RCAN2: variants seen among roughly 807,000 people sequenced by gnomAD.
The protein encoded by RCAN2 is regulator of calcineurin 2.
A neutral mutation model predicts 23.6 loss-of-function variants in RCAN2; 9 were observed. The observed-to-expected ratio is 0.38, with a 90% confidence interval of 0.23 to 0.67. RCAN2 has a LOEUF of 0.67. Among genes scored for constraint, RCAN2 ranks in the 30% least tolerant of loss-of-function variants. The probability of loss-of-function intolerance (pLI) is 0.51; values close to 1 mark genes in which losing one functional copy is unlikely to be tolerated. For missense variants in RCAN2, 273 were observed against 302.3 expected (o/e 0.90, Z 0.72); for synonymous variants, 109 against 115.7 (o/e 0.94, Z 0.37).
intron 2 of RCAN2, among the ~76,000 whole-genome samples, chr6:46,340,774 G>A (rs892076869): frequency 6.6e-6 from 1 of 152,226 alleles, no homozygotes; most frequent in Non-Finnish European, 1.5e-5. Context: ...ACATGTGTGT[G>A]TGTTGAAGTG....
chr6:46,352,089 T>C (rs1320216732), intron 2 of RCAN2, among the ~76,000 whole-genome samples: 1 of 152,196 alleles, frequency 6.6e-6, no homozygotes, highest in African/African-American at 2.4e-5. Flanking sequence ...CATAAGAGTA[T>C]ACATTAAGGT....
At chr6:46,461,638 T>C (rs1768209762) in intron 1 of RCAN2, among the ~76,000 whole-genome samples, 1 of 151,198 alleles carries the variant, frequency 6.6e-6, no homozygotes, top group Non-Finnish European at 1.5e-5. Context: ...CAGGTCAGAG[T>C]ACAATGGCAC....
intron 2 of RCAN2, among the ~76,000 whole-genome samples, chr6:46,303,460 G>A (rs1224643803): frequency 6.6e-6 from 1 of 152,024 alleles, no homozygotes; most frequent in East Asian, 1.9e-4. Flanking sequence ...TCATTATGGT[G>A]CTACTTCTTC....
chr6:46,268,189 C>T (rs1227003931), intron 2 of RCAN2, among the ~76,000 whole-genome samples: 1 of 152,186 alleles, frequency 6.6e-6, no homozygotes, highest in East Asian at 1.9e-4. Context: ...TTTTTACTCG[C>T]TTCATTAAAC....
At chr6:46,423,520 C>T (rs1013240926) in intron 2 of RCAN2, among the ~76,000 whole-genome samples, 1 of 152,180 alleles carries the variant, frequency 6.6e-6, no homozygotes, top group Non-Finnish European at 1.5e-5. Context: ...ATAATATGGA[C>T]TTATTAGCTC....
intron 2 of RCAN2, among the ~76,000 whole-genome samples, chr6:46,336,185 C>T (rs772220585): frequency 2.2e-4 from 33 of 152,130 alleles, no homozygotes; most frequent in Non-Finnish European, 3.8e-4. Context: ...ATTGGCATCT[C>T]GAAGTAACTT....
In RCAN2 at chr6:46,456,952, C is replaced by G; in HGVS notation, c.25G>C (p.Gly9Arg). ...CCCTGCTGCCCTGGGCTCCTCATTCCGATGAAGTATGATTCTCCCCTCATT... is the reference window on the plus strand; with the variant it reads ...CCCTGCTGCCCTGGGCTCCTCATTCGGATGAAGTATGATTCTCCCCTCATT... MRGESYFI[G>R]MRSPGQQGHV... The change falls in exon 2 of 5, where the codon GGA (glycine) becomes CGA (arginine). Residue 9 changes from glycine to arginine, a missense_variant. Physicochemically the swap from Gly to Arg is moderately radical, Grantham distance 125. Transcript: ENST00000371374. The G allele has an allele frequency of 6.4e-7, 1 of 1,550,672 alleles. No homozygotes were observed. Among genetic ancestry groups the G allele is most frequent in the Non-Finnish European group, 8.7e-7 (1 of 1,146,844 alleles).
intron 2 of RCAN2, among the ~76,000 whole-genome samples, chr6:46,352,199 A>G (rs1764669504): frequency 6.6e-6 from 1 of 152,222 alleles, no homozygotes; most frequent in Non-Finnish European, 1.5e-5. Flanking sequence ...GGAAAGGCTT[A>G]ATCTGGTAAT....
intron 2 of RCAN2, among the ~76,000 whole-genome samples, chr6:46,276,214 A>AAAAACAAAACAAAAC (rs112546925): frequency 0.017 from 2,564 of 151,182 alleles, 42 homozygotes; most frequent in Non-Finnish European, 0.029. Flanking sequence ...GACTCTGTCT[A>AAAAACAAAACAAAAC]AAAACAAAAC....
intron 2 of RCAN2, among the ~76,000 whole-genome samples, chr6:46,387,866 A>G (rs190585552): frequency 1.0e-3 from 154 of 152,340 alleles, no homozygotes; most frequent in African/African-American, 3.5e-3. Flanking sequence ...ATGTCCATCA[A>G]TGATAGACTG....
intron 2 of RCAN2, among the ~76,000 whole-genome samples, chr6:46,271,945 C>T (rs1767535613): frequency 6.6e-6 from 1 of 152,186 alleles, no homozygotes; most frequent in South Asian, 2.1e-4. Flanking sequence ...TGACGAGACT[C>T]TGTGCTGTAG....
chr6:46,301,710 C>T (rs759025982), intron 2 of RCAN2, among the ~76,000 whole-genome samples: 4 of 151,944 alleles, frequency 2.6e-5, no homozygotes, highest in Non-Finnish European at 1.5e-5. Context: ...TATTTCAGGT[C>T]AGGTGGTGAG....
chr6:46,304,704 G>A (rs182409926), intron 2 of RCAN2, among the ~76,000 whole-genome samples: 4 of 152,238 alleles, frequency 2.6e-5, no homozygotes, highest in Admixed American at 2.6e-4. Flanking sequence ...AGGAGGTGGA[G>A]AGGAGGGGAA....
intron 2 of RCAN2, among the ~76,000 whole-genome samples, chr6:46,405,922 G>A (rs982550977): frequency 6.6e-6 from 1 of 152,222 alleles, no homozygotes; most frequent in Non-Finnish European, 1.5e-5. Flanking sequence ...CGGGAAGGCA[G>A]CTAAGGCCTG....
intron 2 of RCAN2, among the ~76,000 whole-genome samples, chr6:46,291,215 A>G (rs80058520): frequency 1.3e-3 from 203 of 152,040 alleles, no homozygotes; most frequent in African/African-American, 4.7e-3. Context: ...ACTCAACCAC[A>G]GAGTCAGGGG....
chr6:46,319,513 T>C (rs1763541593), intron 2 of RCAN2, among the ~76,000 whole-genome samples: 1 of 152,214 alleles, frequency 6.6e-6, no homozygotes, highest in South Asian at 2.1e-4. Context: ...AAGTTTTTAG[T>C]TGATTTCCCC....
chr6:46,408,576 T>A (rs998439129), intron 2 of RCAN2, among the ~76,000 whole-genome samples: 2 of 152,160 alleles, frequency 1.3e-5, no homozygotes, highest in African/African-American at 4.8e-5. Flanking sequence ...TCTTAGTGCA[T>A]TGACCAAGAT....
At chr6:46,223,400 G>T in intron 4 of RCAN2, 99 bp from the exon 5 acceptor site, 2 of 1,114,544 alleles carry the variant, frequency 1.8e-6, no homozygotes, top group Non-Finnish European at 1.3e-6. Context: ...ATTTTCCAGG[G>T]TCTCAGGAAG....
intron 2 of RCAN2, among the ~76,000 whole-genome samples, chr6:46,405,265 A>G (rs970784237): frequency 6.6e-6 from 1 of 152,174 alleles, no homozygotes; most frequent in African/African-American, 2.4e-5. Context: ...TCATAAAAGC[A>G]GCGTGGACCC....
Sources: gnomAD v4.1 joint callset for allele counts (sites outside exome capture counted in the v4.1 genomes callset) on GRCh38, gnomAD v4.1.1 for gene constraint, MANE v1.5 for transcripts, NCBI Gene and HGNC (gene_info 2026-07-23, HGNC 2026-07-21) for gene names.